ADARB2: variants seen among roughly 807,000 people sequenced by gnomAD.
ADARB2 encodes the protein inactive double-stranded RNA-specific editase B2.
Under a neutral mutation model 62.2 loss-of-function variants are expected in ADARB2, and 25 were observed. That is an observed-to-expected ratio of 0.40 (90% CI 0.29 to 0.56). The LOEUF (loss-of-function observed/expected upper bound fraction) is 0.56. Ranked by LOEUF, ADARB2 falls within the 20% of genes least tolerant of loss-of-function variation. The probability of loss-of-function intolerance (pLI) is 0.43; values close to 1 mark genes in which losing one functional copy is unlikely to be tolerated. For missense variants in ADARB2, 1,071 were observed against 1,077.4 expected, an observed-to-expected ratio of 0.99 and a Z score of 0.08; for synonymous variants, 572 against 500.8, an observed-to-expected ratio of 1.14 and a Z score of -1.90.
chr10:1,303,163 CA>C (rs1589185906), intron 3 of ADARB2, among the ~76,000 whole-genome samples: 2 of 151,856 alleles, frequency 1.3e-5, no homozygotes, highest in East Asian at 1.9e-4. Flanking sequence ...CTAGAATAAC[CA>C]ATACAGAGAA....
intron 1 of ADARB2, among the ~76,000 whole-genome samples, chr10:1,712,141 A>G (rs1249477089): frequency 1.3e-5 from 2 of 152,210 alleles, no homozygotes; most frequent in Non-Finnish European, 2.9e-5. Flanking sequence ...GCTGTATTTA[A>G]AACAGATATT....
chr10:1,370,548 GA>G (rs34978516), intron 2 of ADARB2, among the ~76,000 whole-genome samples: 21,889 of 152,148 alleles, frequency 0.14, 2,198 homozygotes, highest in East Asian at 0.47. Flanking sequence ...GTATACCTAG[GA>G]AACCCTAAAG....
At chr10:1,266,055 A>G (rs1391993702) in intron 4 of ADARB2, among the ~76,000 whole-genome samples, 2 of 131,962 alleles carry the variant, frequency 1.5e-5, no homozygotes, top group African/African-American at 2.9e-5. Flanking sequence ...GGCCTGAGCC[A>G]GGTCCACGCT....
chr10:1,450,187 A>G (rs1831019671), intron 1 of ADARB2, among the ~76,000 whole-genome samples: 3 of 152,222 alleles, frequency 2.0e-5, no homozygotes, highest in Admixed American at 1.3e-4. Flanking sequence ...TTCCTCCTGC[A>G]TAGCCCTGGT....
intron 1 of ADARB2, among the ~76,000 whole-genome samples, chr10:1,407,912 G>A (rs1564281754): frequency 6.6e-6 from 1 of 152,328 alleles, no homozygotes; most frequent in East Asian, 1.9e-4. Flanking sequence ...GGAGGCTGGA[G>A]GCCAATGCTT....
intron 4 of ADARB2, among the ~76,000 whole-genome samples, chr10:1,268,360 A>G (rs1175533015): frequency 6.6e-6 from 1 of 152,092 alleles, no homozygotes; most frequent in Non-Finnish European, 1.5e-5. Flanking sequence ...AAAAATAAAA[A>G]CTTCTGTTCA....
At chr10:1,480,725 G>C (rs943356667) in intron 1 of ADARB2, among the ~76,000 whole-genome samples, 1 of 151,988 alleles carries the variant, frequency 6.6e-6, no homozygotes, top group Admixed American at 6.6e-5. Context: ...TTCCATTTAT[G>C]GTCTCATCTA....
At chr10:1,187,392 C>T (rs1274745776) in intron 8 of ADARB2, among the ~76,000 whole-genome samples, 1 of 151,946 alleles carries the variant, frequency 6.6e-6, no homozygotes, top group African/African-American at 2.4e-5. Context: ...CTCCCGCTCC[C>T]ATCGCCAGGC....
intron 1 of ADARB2, among the ~76,000 whole-genome samples, chr10:1,396,241 G>A (rs554739471): frequency 6.6e-6 from 1 of 151,930 alleles, no homozygotes. Flanking sequence ...TCTTCTCCTC[G>A]TGCGACTCTC....
At position 1,186,288 on chromosome 10, in the gene ADARB2, TC is replaced by T. The variant is rs145022376; in HGVS notation, c.1865-1250del. Among the ~76,000 whole-genome samples, 1,474 of 152,278 alleles carry T rather than the reference TC, an allele frequency of 9.7e-3. 24 individuals are homozygous for T. Among genetic ancestry groups the T allele is most frequent in the East Asian group, 0.039 (204 of 5,174 alleles). ...GCATGGTGGACGTGGCCCTCAGACG[TC>T]CATGGGTGGTGGGGGAGGCACGTGC... On this transcript the variant is annotated intron_variant, in intron 8 of 9. Transcript: ENST00000381312.
chr10:1,735,579 G>T (rs1000441280), intron 1 of ADARB2, among the ~76,000 whole-genome samples: 1 of 152,162 alleles, frequency 6.6e-6, no homozygotes, highest in African/African-American at 2.4e-5. Flanking sequence ...TCAATCCGGT[G>T]ACTTTCTCAA....
intron 1 of ADARB2, among the ~76,000 whole-genome samples, chr10:1,508,037 T>C (rs1831873620): frequency 1.3e-5 from 2 of 152,334 alleles, no homozygotes; most frequent in South Asian, 4.1e-4. Flanking sequence ...CTCACCTTTC[T>C]AAATCTCACA....
intron 1 of ADARB2, among the ~76,000 whole-genome samples, chr10:1,515,706 G>A (rs1832000109): frequency 6.6e-6 from 1 of 152,214 alleles, no homozygotes; most frequent in African/African-American, 2.4e-5. Context: ...GAGTCACTTA[G>A]GTGGCCAAGG....
At chr10:1,221,966 G>C (rs944072513) in intron 6 of ADARB2, among the ~76,000 whole-genome samples, 20 of 152,282 alleles carry the variant, frequency 1.3e-4, no homozygotes, top group African/African-American at 4.8e-4. Flanking sequence ...GGTATTTCCA[G>C]TTCTAGATCC....
chr10:1,298,062 T>C (rs964074995), intron 3 of ADARB2, among the ~76,000 whole-genome samples: 4 of 152,162 alleles, frequency 2.6e-5, no homozygotes, highest in Non-Finnish European at 4.4e-5. Flanking sequence ...TCCACTTCCC[T>C]CCCTCCTATT....
intron 1 of ADARB2, among the ~76,000 whole-genome samples, chr10:1,636,987 G>A (rs1171988445): frequency 2.0e-5 from 3 of 150,402 alleles, no homozygotes; most frequent in Non-Finnish European, 4.4e-5. Flanking sequence ...TTAACTTTTG[G>A]CACTTACAAT....
In ADARB2 at chr10:1,714,017, A is replaced by G. The variant is rs531549966; in HGVS notation, c.100+23034T>C. On this transcript the variant is annotated intron_variant, in intron 1 of 9. Coordinates refer to ENST00000381312, the MANE Select transcript of ADARB2 (RefSeq NM_018702.4). The stretch of plus-strand genomic sequence containing the variant: ...CTCTGTGTGTGATTTCACTTAAAAG[A>G]TATTTCATTGCTTCAAAAAACATTT... 5.3e-5 allele frequency among the ~76,000 whole-genome samples: 8 copies of G among 152,340 alleles called. 1 individual carries two copies. The South Asian group carries it at 1.7e-3, about 32-fold the overall frequency.
intron 2 of ADARB2, among the ~76,000 whole-genome samples, chr10:1,375,833 A>G (rs1166232006): frequency 2.0e-5 from 3 of 148,170 alleles, no homozygotes; most frequent in Non-Finnish European, 4.5e-5. Flanking sequence ...ACACACGTGC[A>G]CACACCGCAC....
intron 3 of ADARB2, among the ~76,000 whole-genome samples, chr10:1,351,534 C>T (rs1832140755): frequency 6.6e-6 from 1 of 152,122 alleles, no homozygotes; most frequent in Admixed American, 6.5e-5. Context: ...ATCTGCTTCC[C>T]TGACTATTCC....
Sources: gnomAD v4.1 joint callset for allele counts (sites outside exome capture counted in the v4.1 genomes callset) on GRCh38, gnomAD v4.1.1 for gene constraint, MANE v1.5 for transcripts, NCBI Gene and HGNC (gene_info 2026-07-23, HGNC 2026-07-21) for gene names.